PCDH15: variants seen among roughly 807,000 people sequenced by gnomAD.
PCDH15 encodes the protein protocadherin-15.
In PCDH15, 129 loss-of-function variants were observed where a neutral mutation model predicts 178.5. The ratio of observed to expected loss-of-function variants is 0.72; its 90% CI spans 0.63 to 0.84. The LOEUF (loss-of-function observed/expected upper bound fraction) is 0.84. PCDH15 is among the 40% of genes least tolerant of loss of function. The probability of loss-of-function intolerance (pLI) is 0.00; values close to 1 mark genes in which losing one functional copy is unlikely to be tolerated. For missense variants in PCDH15, 2,230 were observed against 2,099.9 expected (o/e 1.06, Z -1.21); for synonymous variants, 800 against 732.0 (o/e 1.09, Z -1.50).
chr10:55,058,210 A>T (rs1393677169), intron 2 of PCDH15, among the ~76,000 whole-genome samples: 1 of 151,896 alleles, frequency 6.6e-6, no homozygotes, highest in Non-Finnish European at 1.5e-5. Context: ...TTTATTTTTT[A>T]TTTTATTTTA....
At chr10:54,983,373 G>C (rs1208193649) in intron 2 of PCDH15, among the ~76,000 whole-genome samples, 1 of 152,062 alleles carries the variant, frequency 6.6e-6, no homozygotes, top group African/African-American at 2.4e-5. Flanking sequence ...CCAATAGTGT[G>C]TAAACCTTGT....
intron 3 of PCDH15, among the ~76,000 whole-genome samples, chr10:54,852,626 G>A (rs1205543958): frequency 1.3e-5 from 2 of 152,026 alleles, no homozygotes; most frequent in Non-Finnish European, 2.9e-5. Flanking sequence ...GCCGAGGCAG[G>A]TGGATCATGA....
intron 25 of PCDH15, among the ~76,000 whole-genome samples, chr10:53,920,696 C>G (rs187800100): frequency 2.0e-5 from 3 of 152,234 alleles, no homozygotes; most frequent in African/African-American, 7.2e-5. Flanking sequence ...TCTAAAGAAC[C>G]TGTGGAGATA....
intron 2 of PCDH15, among the ~76,000 whole-genome samples, chr10:55,552,622 G>GTTAC (rs1466439355): frequency 1.3e-5 from 2 of 151,242 alleles, no homozygotes; most frequent in Non-Finnish European, 3.0e-5. Context: ...ATATACAGTT[G>GTTAC]TTACAGTCAA....
At chr10:53,942,614 G>A (rs2086169311) in intron 23 of PCDH15, among the ~76,000 whole-genome samples, 1 of 152,168 alleles carries the variant, frequency 6.6e-6, no homozygotes, top group Admixed American at 6.5e-5. Flanking sequence ...AGAAACTCAA[G>A]GTGATGGCTG....
intron 3 of PCDH15, among the ~76,000 whole-genome samples, chr10:54,487,294 G>C (rs1431349154): frequency 1.3e-5 from 2 of 151,952 alleles, no homozygotes; most frequent in African/African-American, 4.8e-5. Context: ...TAAATAATGT[G>C]TACACATGGA....
chr10:54,234,811 G>A (rs10763088), intron 9 of PCDH15, among the ~76,000 whole-genome samples: 141,218 of 152,270 alleles, frequency 0.93, 65,626 homozygotes, highest in East Asian at 0.98. Flanking sequence ...ACTATCCTAC[G>A]GTTGTAGGCT....
At chr10:53,965,256 C>T (rs12250989) in intron 21 of PCDH15, among the ~76,000 whole-genome samples, 1 of 152,024 alleles carries the variant, frequency 6.6e-6, no homozygotes, top group African/African-American at 2.4e-5. Flanking sequence ...GATAGGGTTT[C>T]ACTATGTTGG....
chr10:54,627,697 GT>G (rs1187392382), intron 2 of PCDH15, among the ~76,000 whole-genome samples: 1 of 152,194 alleles, frequency 6.6e-6, no homozygotes, highest in East Asian at 1.9e-4. Flanking sequence ...TTTTAGCAAT[GT>G]TGATGTTTGT....
intron 2 of PCDH15, chr10:54,607,898 T>TA (rs760103713): frequency 1.9e-6 from 1 of 527,694 alleles, no homozygotes; most frequent in Non-Finnish European, 3.9e-6. Flanking sequence ...CAAAAGTAAT[T>TA]ACAGTTTTTG....
At position 54,180,135 on chromosome 10, in the gene PCDH15, G is replaced by A. The variant is rs189642976; in HGVS notation, c.1590+3309C>T. Among the ~76,000 whole-genome samples the A allele has an allele frequency of 2.6e-4, 40 of 152,268 alleles. No homozygotes were observed. In the East Asian group the frequency reaches 7.4e-3, roughly 28 times the overall value. On this transcript the variant is annotated intron_variant, in intron 13 of 37. Coordinates refer to ENST00000644397, the MANE Select transcript of PCDH15 (RefSeq NM_001384140.1). ...GTGCTAATAATGTGATTATACTTCA[G>A]CTCCGGTTACGGAAGATGATGTTGG...
intron 6 of PCDH15, among the ~76,000 whole-genome samples, chr10:54,344,050 T>C (rs1221877816): frequency 6.6e-6 from 1 of 152,148 alleles, no homozygotes; most frequent in Non-Finnish European, 1.5e-5. Context: ...ATTTATCATG[T>C]ATTTTCTCAC....
At chr10:54,467,490 A>G (rs2077595885) in intron 3 of PCDH15, among the ~76,000 whole-genome samples, 1 of 151,846 alleles carries the variant, frequency 6.6e-6, no homozygotes, top group Non-Finnish European at 1.5e-5. Flanking sequence ...GCATCTGTGG[A>G]ACAAATCCCA....
At chr10:53,821,836 G>T (rs750975947) in intron 32 of PCDH15, 1 of 1,610,832 alleles carries the variant, frequency 6.2e-7, no homozygotes, top group Non-Finnish European at 8.5e-7. Context: ...AGGTTTGCCC[G>T]ACTAAAATAA....
intron 2 of PCDH15, among the ~76,000 whole-genome samples, chr10:55,413,799 C>T (rs754009213): frequency 1.5e-4 from 22 of 151,192 alleles, no homozygotes; most frequent in Non-Finnish European, 2.4e-4. Context: ...CAAGTTAGCT[C>T]GGAAATATTT....
chr10:55,282,698 G>C (rs1457277618), intron 1 of PCDH15, among the ~76,000 whole-genome samples: 3 of 144,452 alleles, frequency 2.1e-5, no homozygotes, highest in East Asian at 4.0e-4. Flanking sequence ...ATGTTTATAA[G>C]AATAAATTAA....
At chr10:54,294,752 T>C (rs1179690429) in intron 8 of PCDH15, among the ~76,000 whole-genome samples, 3 of 152,206 alleles carry the variant, frequency 2.0e-5, no homozygotes, top group African/African-American at 7.2e-5. Flanking sequence ...CAATTATACA[T>C]CAGTGTTTCT....
intron 3 of PCDH15, among the ~76,000 whole-genome samples, chr10:54,392,352 G>T (rs1228610755): frequency 6.6e-6 from 1 of 150,542 alleles, no homozygotes; most frequent in East Asian, 2.0e-4. Flanking sequence ...TGTGATCCCA[G>T]CTACTTGGGA....
In PCDH15 at chr10:55,239,456, CTCTT is replaced by C. The variant is rs575697506; in HGVS notation, c.-155-72809_-155-72806del. 6.3e-4 allele frequency among the ~76,000 whole-genome samples: 96 copies of C among 152,208 alleles called. 1 individual carries two copies. In the South Asian group the frequency reaches 0.019, roughly 31 times the overall value. On this transcript the variant is annotated intron_variant, in intron 1 of 5. Coordinates refer to the PCDH15 transcript ENST00000458638. ...GAACTTACACTGAGCAAAGGATAGT[CTCTT>C]TAATAAATGGTGCTAGCAAAACTGG...
Sources: gnomAD v4.1 joint callset for allele counts (sites outside exome capture counted in the v4.1 genomes callset) on GRCh38, gnomAD v4.1.1 for gene constraint, MANE v1.5 for transcripts, NCBI Gene and HGNC (gene_info 2026-07-23, HGNC 2026-07-21) for gene names.